ITCH: variants seen among roughly 807,000 people sequenced by gnomAD.
ITCH encodes the protein itchy E3 ubiquitin protein ligase.
ITCH carries 28 observed loss-of-function variants against 126.8 expected under a neutral mutation model. That is an observed-to-expected ratio of 0.22 (90% confidence interval 0.16 to 0.30). The LOEUF is 0.30. Among genes scored for constraint, ITCH ranks in the 10% least tolerant of loss-of-function variants. The probability of loss-of-function intolerance (pLI) is 1.00; values close to 1 mark genes in which losing one functional copy is unlikely to be tolerated. For synonymous variants in ITCH, 342 were observed against 340.0 expected (o/e 1.01, Z -0.06); for missense variants, 631 against 1,032.4 (o/e 0.61, Z 5.33).
intron 4 of ITCH, 27 bp from the exon 5 acceptor site, chr20:34,412,488 A>AT (rs781544430): frequency 1.3e-6 from 2 of 1,527,872 alleles, no homozygotes; most frequent in Non-Finnish European, 1.8e-6. Context: ...TAAAAATAAT[A>AT]TTTTTTCCCT....
rs371849188 is a variant in ITCH at position 34,367,997 on chromosome 20, G to A, written c.-98-1397G>A. Among the ~76,000 whole-genome samples, 6 of 152,278 alleles carry A rather than the reference G, an allele frequency of 3.9e-5. No homozygotes were observed. In the East Asian group the frequency reaches 9.6e-4, roughly 24 times the overall value. On this transcript the variant is annotated intron_variant, in intron 1 of 24. Transcript: ENST00000374864. ...TAAGAAATTTGTGTTAGGGCCGGGC[G>A]CGGTGGCTCATGCCTGTAATCCCAG...
chr20:34,400,051 G>A (rs947031737), intron 3 of ITCH, among the ~76,000 whole-genome samples: 3 of 151,786 alleles, frequency 2.0e-5, no homozygotes, highest in Admixed American at 6.6e-5. Flanking sequence ...CAATTTTTCT[G>A]CGTCAGCCTC....
chr20:34,431,931 C>T (rs931815031), intron 7 of ITCH, among the ~76,000 whole-genome samples: 1 of 151,598 alleles, frequency 6.6e-6, no homozygotes, highest in African/African-American at 2.4e-5. Flanking sequence ...GTAATTCCAG[C>T]TACTCAGGAG....
chr20:34,473,948 C>T (rs1462473102), intron 16 of ITCH, among the ~76,000 whole-genome samples: 2 of 152,154 alleles, frequency 1.3e-5, no homozygotes, highest in African/African-American at 2.4e-5. Context: ...CCTAAACAAG[C>T]CAGGTTAGAT....
At chr20:34,410,604 A>G (rs1055899180) in intron 4 of ITCH, among the ~76,000 whole-genome samples, 3 of 152,108 alleles carry the variant, frequency 2.0e-5, no homozygotes, top group African/African-American at 7.2e-5. Flanking sequence ...GCTACTTGGG[A>G]GGATAAGGGG....
At chr20:34,479,080 T>C (rs534068694) in intron 17 of ITCH, among the ~76,000 whole-genome samples, 2 of 152,326 alleles carry the variant, frequency 1.3e-5, no homozygotes, top group East Asian at 3.8e-4. Flanking sequence ...TCAGCATTTT[T>C]CTAATATGTG....
intron 1 of ITCH, among the ~76,000 whole-genome samples, chr20:34,364,434 T>A (rs893175058): frequency 2.0e-5 from 3 of 152,094 alleles, no homozygotes; most frequent in African/African-American, 7.2e-5. Flanking sequence ...TAGAATTCGA[T>A]CTTCAGGAAG....
At chr20:34,431,645 A>G (rs1982307472) in intron 7 of ITCH, among the ~76,000 whole-genome samples, 3 of 152,232 alleles carry the variant, frequency 2.0e-5, no homozygotes, top group Admixed American at 6.5e-5. Flanking sequence ...TATTTAGTGG[A>G]TGGTAGGAAG....
intron 3 of ITCH, among the ~76,000 whole-genome samples, chr20:34,394,905 T>G (rs2038619295): frequency 6.6e-6 from 1 of 152,006 alleles, no homozygotes; most frequent in Admixed American, 6.6e-5. Flanking sequence ...TAGTGGTTTA[T>G]GACAAAAGTC....
chr20:34,383,260 T>C (rs1055148011), intron 2 of ITCH, among the ~76,000 whole-genome samples: 7 of 151,806 alleles, frequency 4.6e-5, no homozygotes. Flanking sequence ...CCCAGGCTGG[T>C]GTTGAACTCC....
chr20:34,366,078 A>AGGGCGG (rs2037410951), intron 1 of ITCH, among the ~76,000 whole-genome samples: 1 of 152,112 alleles, frequency 6.6e-6, no homozygotes. Context: ...GAGTGTGAAA[A>AGGGCGG]GGGCGGGGAA....
At chr20:34,378,036 T>A (rs1208263737) in intron 2 of ITCH, among the ~76,000 whole-genome samples, 1 of 152,132 alleles carries the variant, frequency 6.6e-6, no homozygotes, top group African/African-American at 2.4e-5. Context: ...TTTTTTTTTT[T>A]TAACATACCT....
rs1404254872 is a variant in ITCH at position 34,509,658 on chromosome 20, C to T, written c.*1864C>T. 1 of 152,492 alleles carries T rather than the reference C, an allele frequency of 6.6e-6. No individual in the cohort carries two copies. Among genetic ancestry groups the T allele is most frequent in the African/African-American group, 2.4e-5 (1 of 41,390 alleles). 9.4% of individuals were successfully genotyped at this position (152,492 alleles called of 1,614,324 possible). A position where few individuals can be genotyped will look rare whatever the true frequency, so the allele number is the denominator to read the frequency against. On this transcript the variant is annotated 3_prime_UTR_variant, in exon 25 of 25. Transcript: ENST00000374864. ...GGAAATACTGTGTGGTTTCTAAAAG[C>T]CCTGGTTGTTAAAAGTAGGGACTCT...
At chr20:34,438,782 C>G in intron 8 of ITCH, 151 bp downstream of exon 8, 1 of 1,034,376 alleles carries the variant, frequency 9.7e-7, no homozygotes, top group South Asian at 1.3e-5. Context: ...TGTAGGTAAC[C>G]AAAAGTGCCT....
chr20:34,447,145 G>C (rs1984560739), intron 11 of ITCH, among the ~76,000 whole-genome samples: 1 of 150,392 alleles, frequency 6.6e-6, no homozygotes, highest in Admixed American at 6.6e-5. Context: ...CTGTAATCCT[G>C]ACCGATTTAG....
At chr20:34,489,435 T>A in intron 21 of ITCH, 49 bp downstream of exon 21, 2 of 1,553,850 alleles carry the variant, frequency 1.3e-6, no homozygotes, top group South Asian at 2.2e-5. Flanking sequence ...AAATAATGCC[T>A]TAAGTTGTCT....
intron 7 of ITCH, among the ~76,000 whole-genome samples, chr20:34,432,295 A>G (rs909073500): frequency 6.6e-6 from 1 of 152,202 alleles, no homozygotes; most frequent in Non-Finnish European, 1.5e-5. Context: ...GAATAAATTT[A>G]GCTATATAGA....
At chr20:34,419,795 C>T (rs576989468) in intron 6 of ITCH, among the ~76,000 whole-genome samples, 92 of 151,974 alleles carry the variant, frequency 6.1e-4, no homozygotes, top group African/African-American at 2.1e-3. Flanking sequence ...GCTGGGACTA[C>T]AGGCCTTTTA....
intron 2 of ITCH, among the ~76,000 whole-genome samples, chr20:34,375,768 T>C (rs1361581886): frequency 1.4e-5 from 2 of 143,634 alleles, no homozygotes; most frequent in Non-Finnish European, 3.0e-5. Flanking sequence ...ATCCCAGCAC[T>C]TTGGGAGGCC....
Sources: allele counts gnomAD v4.1 joint callset (sites outside exome capture counted in the v4.1 genomes callset), GRCh38; gene constraint gnomAD v4.1.1; transcripts MANE v1.5; gene names NCBI Gene and HGNC (gene_info 2026-07-23, HGNC 2026-07-21).